The following EZR variants were observed in gnomAD, a reference collection of about 807,000 sequenced individuals.
EZR encodes cytovillin 2.
Under a neutral mutation model 74.8 loss-of-function variants are expected in EZR, and 40 were observed. That is an observed-to-expected ratio of 0.53 (90% CI 0.42 to 0.70). The LOEUF is 0.70. EZR is among the 30% of genes least tolerant of loss of function. The probability of loss-of-function intolerance (pLI) is 0.00; values close to 1 mark genes in which losing one functional copy is unlikely to be tolerated. For missense variants in EZR, 678 were observed against 755.8 expected, an observed-to-expected ratio of 0.90 and a Z score of 1.21; for synonymous variants, 341 against 283.3, an observed-to-expected ratio of 1.20 and a Z score of -2.05.
chr6:158,797,320 T>A (rs1316052442), intron 2 of EZR, among the ~76,000 whole-genome samples: 1 of 152,200 alleles, frequency 6.6e-6, no homozygotes, highest in Admixed American at 6.6e-5. Flanking sequence ...TTTTTTTATG[T>A]ACTCAAAAAT....
At chr6:158,811,576 A>G (rs1340026490) in intron 2 of EZR, among the ~76,000 whole-genome samples, 2 of 152,244 alleles carry the variant, frequency 1.3e-5, no homozygotes, top group Admixed American at 6.5e-5. Flanking sequence ...AAATCACATT[A>G]TCAGCCAGGC....
chr6:158,779,598 C>G (rs1791373302), intron 7 of EZR, among the ~76,000 whole-genome samples: 1 of 152,110 alleles, frequency 6.6e-6, no homozygotes, highest in African/African-American at 2.4e-5. Context: ...GGGTCTTACT[C>G]TGTCACCCAG....
rs1221836761 is a variant in EZR, at chr6:158,785,600, A to C, written c.193-17T>G. 2.5e-6 allele frequency: 4 copies of C among 1,610,336 alleles called. No homozygotes were observed. The highest frequency in any genetic ancestry group is 3.4e-6 in the Non-Finnish European group (4 of 1,176,998). ...GGCAGACACCTGCACGAAACAAGCC[A>C]CACTCTCCACACAAATCCGGAAGAC... On this transcript the variant is annotated splice_polypyrimidine_tract_variant and intron_variant, in intron 4 of 13. Coordinates refer to ENST00000367075, the MANE Select transcript of EZR (RefSeq NM_001111077.2).
chr6:158,803,282 A>G (rs543608309), intron 2 of EZR, among the ~76,000 whole-genome samples: 91 of 151,700 alleles, frequency 6.0e-4, no homozygotes, highest in African/African-American at 2.1e-3. Flanking sequence ...GTGATGAAGT[A>G]TAACTGGTAG....
At chr6:158,768,906 T>TGC (rs1398354054) in intron 12 of EZR, among the ~76,000 whole-genome samples, 1 of 152,138 alleles carries the variant, frequency 6.6e-6, no homozygotes, top group Non-Finnish European at 1.5e-5. Flanking sequence ...CTTTCCATGG[T>TGC]GCCCGCTGTA....
chr6:158,819,191 A>T (rs1042950468), intron 1 of EZR, 126 bp downstream of exon 1: 1 of 150,448 alleles, frequency 6.6e-6, no homozygotes, highest in Admixed American at 6.6e-5. Context: ...CCGGGCGAGA[A>T]CCCCGCGCCG....
At chr6:158,786,829 A>G (rs1176542676) in intron 4 of EZR, among the ~76,000 whole-genome samples, 1 of 152,246 alleles carries the variant, frequency 6.6e-6, no homozygotes, top group Non-Finnish European at 1.5e-5. Context: ...TTCACAGTTT[A>G]TAAGATTAAC....
chr6:158,767,527 T>C lies in EZR; in HGVS notation c.1345-15A>G, dbSNP rs1353922675. On this transcript the variant is annotated splice_polypyrimidine_tract_variant and intron_variant, in intron 12 of 13. Coordinates refer to ENST00000367075, the MANE Select transcript of EZR (RefSeq NM_001111077.2). ...GCTTCTTTGGCCTTTGGAAAGCAAA[T>C]TAATAAGAGGACTTCTCACCCAGAA... is the stretch of plus-strand genomic sequence containing the variant. The C allele has an allele frequency of 6.4e-7, 1 of 1,558,414 alleles. No homozygotes were observed. Among genetic ancestry groups the C allele is most frequent in the East Asian group, 2.3e-5 (1 of 44,372 alleles).
At chr6:158,781,761 C>G (rs1021785938) in intron 7 of EZR, among the ~76,000 whole-genome samples, 2 of 151,960 alleles carry the variant, frequency 1.3e-5, no homozygotes, top group Non-Finnish European at 2.9e-5. Flanking sequence ...CCACTTTCCC[C>G]ACTTCTTTAA....
intron 2 of EZR, among the ~76,000 whole-genome samples, chr6:158,790,992 C>A (rs1481817566): frequency 3.3e-5 from 5 of 152,128 alleles, no homozygotes; most frequent in Non-Finnish European, 5.9e-5. Flanking sequence ...CAGTATATGG[C>A]GACAGAGGTT....
intron 2 of EZR, among the ~76,000 whole-genome samples, chr6:158,790,334 G>GA (rs1791705070): frequency 6.6e-6 from 1 of 152,224 alleles, no homozygotes; most frequent in African/African-American, 2.4e-5. Context: ...GTGGAGATGG[G>GA]AGGGCCTTAA....
intron 2 of EZR, among the ~76,000 whole-genome samples, chr6:158,798,015 C>G: frequency 6.6e-6 from 1 of 152,198 alleles, no homozygotes; most frequent in East Asian, 1.9e-4. Context: ...TGGAAACCAC[C>G]AATCTACTTT....
chr6:158,783,750 A>G (rs888973430), intron 6 of EZR, 84 bp from the exon 7 acceptor site: 26 of 1,464,544 alleles, frequency 1.8e-5, no homozygotes, highest in Non-Finnish European at 2.4e-5. Flanking sequence ...TTTTTAAATT[A>G]AGGCGCCTTG....
At chr6:158,778,838 CA>C (rs1198369980) in intron 7 of EZR, among the ~76,000 whole-genome samples, 1 of 152,200 alleles carries the variant, frequency 6.6e-6, no homozygotes, top group Non-Finnish European at 1.5e-5. Flanking sequence ...AAGACCGAAA[CA>C]CATATCCATG....
chr6:158,805,254 G>A (rs558585502), intron 2 of EZR, among the ~76,000 whole-genome samples: 12 of 148,838 alleles, frequency 8.1e-5, no homozygotes, highest in East Asian at 5.9e-4. Context: ...CAGGAGAATC[G>A]CTTGAACCAG....
chr6:158,768,507 C>T (rs1181997074), intron 12 of EZR, among the ~76,000 whole-genome samples: 5 of 152,128 alleles, frequency 3.3e-5, no homozygotes, highest in Admixed American at 3.3e-4. Flanking sequence ...GAAGGCACCT[C>T]CACAGATGGA....
chr6:158,793,019 G>T (rs78761655), intron 2 of EZR, among the ~76,000 whole-genome samples: 3 of 151,528 alleles, frequency 2.0e-5, no homozygotes, highest in Non-Finnish European at 4.4e-5. Flanking sequence ...AACAATTATT[G>T]CAAGTCTAAA....
At chr6:158,779,335 A>T (rs895003728) in intron 7 of EZR, among the ~76,000 whole-genome samples, 1 of 152,172 alleles carries the variant, frequency 6.6e-6, no homozygotes, top group Non-Finnish European at 1.5e-5. Context: ...GGAGACAGGG[A>T]GGTCTGACAA....
chr6:158,785,439 C>T lies in EZR; in HGVS notation c.337G>A (p.Asp113Asn), dbSNP rs755867199. ...GTCTCAGGGGGGCAGTAGATCTCATCGCTAAGGATTCCTTCCTTCACTTGG... is the reference window on the plus strand; with the variant it reads ...GTCTCAGGGGGGCAGTAGATCTCATTGCTAAGGATTCCTTCCTTCACTTGG... ...FLQVKEGILS[D>N]EIYCPPETAV... The change falls in exon 5 of 14, where the codon GAT becomes AAT. Residue 113 changes from aspartate to asparagine, a missense_variant. Asp to Asn is a conservative substitution (Grantham distance 23). Coordinates refer to ENST00000367075, the MANE Select transcript of EZR (RefSeq NM_001111077.2). 4 of 1,614,202 alleles carry T rather than the reference C, an allele frequency of 2.5e-6. No individual in the cohort carries two copies. The highest frequency in any genetic ancestry group is 3.4e-6 in the Non-Finnish European group (4 of 1,180,042).
Sources: allele counts gnomAD v4.1 joint callset (sites outside exome capture counted in the v4.1 genomes callset), GRCh38; gene constraint gnomAD v4.1.1; transcripts MANE v1.5; gene names NCBI Gene and HGNC (gene_info 2026-07-23, HGNC 2026-07-21).